TAFA1: variants seen among roughly 807,000 people sequenced by gnomAD.
TAFA1 encodes chemokine-like protein TAFA-1.
Under a neutral mutation model 18.5 loss-of-function variants are expected in TAFA1, and 4 were observed. That is an observed-to-expected ratio of 0.22 (90% CI 0.11 to 0.49). The LOEUF is 0.49. TAFA1 is among the 20% of genes least tolerant of loss of function. The pLI, the probability that TAFA1 is intolerant of heterozygous loss-of-function variation, is 0.98. For synonymous variants in TAFA1, 56 were observed against 55.2 expected (o/e 1.01, Z -0.06); for missense variants, 147 against 169.0 (o/e 0.87, Z 0.72).
intron 2 of TAFA1, among the ~76,000 whole-genome samples, chr3:68,280,895 T>C (rs1023624476): frequency 7.2e-5 from 11 of 152,160 alleles, no homozygotes; most frequent in African/African-American, 2.4e-4. Context: ...AGGCAATTAG[T>C]CTTATCCTCT....
At chr3:68,466,333 C>T (rs1457242524) in intron 3 of TAFA1, among the ~76,000 whole-genome samples, 1 of 151,994 alleles carries the variant, frequency 6.6e-6, no homozygotes, top group African/African-American at 2.4e-5. Flanking sequence ...CTACAGTGGG[C>T]ATAGAAGTGA....
chr3:68,368,613 A>G (rs1464829053), intron 2 of TAFA1, among the ~76,000 whole-genome samples: 1 of 152,136 alleles, frequency 6.6e-6, no homozygotes, highest in Non-Finnish European at 1.5e-5. Flanking sequence ...TAATAGAAAA[A>G]GAAAACCATG....
At chr3:68,079,615 G>A (rs1016843154) in intron 2 of TAFA1, among the ~76,000 whole-genome samples, 1 of 152,126 alleles carries the variant, frequency 6.6e-6, no homozygotes, top group Non-Finnish European at 1.5e-5. Context: ...CCATGTAGTT[G>A]AGCGGTTTTG....
intron 2 of TAFA1, among the ~76,000 whole-genome samples, chr3:68,353,197 C>T (rs571111467): frequency 6.6e-6 from 1 of 152,110 alleles, no homozygotes; most frequent in Admixed American, 6.6e-5. Flanking sequence ...TGTCTCCCAC[C>T]AGCTTTGTGT....
chr3:68,308,288 G>C (rs1345942614), intron 2 of TAFA1, among the ~76,000 whole-genome samples: 1 of 152,008 alleles, frequency 6.6e-6, no homozygotes, highest in Non-Finnish European at 1.5e-5. Flanking sequence ...CCCCTGGAGT[G>C]GTCATACTGT....
intron 2 of TAFA1, among the ~76,000 whole-genome samples, chr3:68,202,099 C>T (rs977061961): frequency 6.6e-6 from 1 of 151,758 alleles, no homozygotes; most frequent in African/African-American, 2.4e-5. Context: ...CATCTCCTAA[C>T]ACCACCTCAT....
chr3:68,429,139 T>A lies in TAFA1; in HGVS notation c.259+11719T>A, dbSNP rs1169195419. ...GGAGATGTTGCCTTTCATCTTGGGC[T>A]CATTCTGGATATTTGCCTTGTTCTC... On this transcript the variant is annotated intron_variant, in intron 3 of 4. Coordinates refer to ENST00000478136, the MANE Select transcript of TAFA1 (RefSeq NM_213609.4). 2.0e-5 allele frequency among the ~76,000 whole-genome samples: 3 copies of A among 151,902 alleles called. No individual in the cohort carries two copies. In the South Asian group the frequency reaches 6.2e-4, roughly 31 times the overall value.
chr3:68,038,345 T>C (rs1009922817), intron 2 of TAFA1, among the ~76,000 whole-genome samples: 1 of 152,276 alleles, frequency 6.6e-6, no homozygotes, highest in South Asian at 2.1e-4. Flanking sequence ...GAATCTTTAG[T>C]CAATGTTGGT....
chr3:68,287,478 A>T (rs952097809), intron 2 of TAFA1, among the ~76,000 whole-genome samples: 6 of 151,760 alleles, frequency 4.0e-5, no homozygotes, highest in African/African-American at 1.2e-4. Flanking sequence ...GGGCAATGAG[A>T]TTTTTTTCTT....
intron 3 of TAFA1, among the ~76,000 whole-genome samples, chr3:68,441,072 GC>G (rs752426137): frequency 3.6e-4 from 55 of 152,142 alleles, no homozygotes; most frequent in Admixed American, 1.2e-3. Context: ...AGAATAAGTT[GC>G]TGCATTTGGC....
In TAFA1 at chr3:68,544,503, A is replaced by C; in HGVS notation, c.402A>C (p.Ter134TyrextTer6). 1 of 1,612,544 alleles carries C rather than the reference A, an allele frequency of 6.2e-7. No homozygotes were observed. Among genetic ancestry groups the C allele is most frequent in the Non-Finnish European group, 8.5e-7 (1 of 1,178,964 alleles). Reference sequence around the variant, plus strand: ...GGTTTCAGATTCACCCAAGAACCTAACAGAAGCATTTGTGGTAGTAAAGGA... The same window carrying C: ...GGTTTCAGATTCACCCAAGAACCTACCAGAAGCATTTGTGGTAGTAAAGGA... ...IKTTRIHPRT[*>Y] Residue 134 changes from the stop codon to tyrosine, a stop_lost, in exon 5 of 5, where the codon TAA (stop) becomes TAC (tyrosine). Transcript: ENST00000478136.
intron 3 of TAFA1, among the ~76,000 whole-genome samples, chr3:68,477,691 G>A (rs1202961213): frequency 6.6e-6 from 1 of 152,024 alleles, no homozygotes; most frequent in Non-Finnish European, 1.5e-5. Flanking sequence ...CATTCTTTAT[G>A]TATCTTTTGG....
chr3:68,417,202 C>T (rs1055976955), intron 2 of TAFA1, 78 bp from the exon 3 acceptor site: 36 of 1,240,678 alleles, frequency 2.9e-5, no homozygotes, highest in African/African-American at 2.1e-4. Context: ...TCCTCAACCC[C>T]GCTACATGCA....
intron 2 of TAFA1, among the ~76,000 whole-genome samples, chr3:68,115,540 G>A (rs973558764): frequency 6.6e-6 from 1 of 152,218 alleles, no homozygotes; most frequent in Non-Finnish European, 1.5e-5. Context: ...TATTCTCACA[G>A]TCATTTAATG....
intron 2 of TAFA1, among the ~76,000 whole-genome samples, chr3:68,169,890 CT>C: frequency 6.6e-6 from 1 of 152,154 alleles, no homozygotes; most frequent in Non-Finnish European, 1.5e-5. Flanking sequence ...AAGTTTGTTA[CT>C]TACAGAAGAG....
At chr3:68,391,147 CA>C (rs2070232746) in intron 2 of TAFA1, among the ~76,000 whole-genome samples, 1 of 152,054 alleles carries the variant, frequency 6.6e-6, no homozygotes, top group Non-Finnish European at 1.5e-5. Flanking sequence ...CTAGAATAAC[CA>C]GTTTAGAGAA....
chr3:68,207,416 G>A (rs576241943), intron 2 of TAFA1, among the ~76,000 whole-genome samples: 3 of 152,050 alleles, frequency 2.0e-5, no homozygotes, highest in Admixed American at 1.3e-4. Flanking sequence ...GTGCAGTAGA[G>A]TATTGTCTAA....
intron 2 of TAFA1, among the ~76,000 whole-genome samples, chr3:68,218,493 G>A (rs1027610977): frequency 2.0e-5 from 3 of 152,038 alleles, no homozygotes; most frequent in East Asian, 1.9e-4. Context: ...CAGTCTCACA[G>A]TCATCACCAC....
At chr3:68,460,991 C>T (rs2071766181) in intron 3 of TAFA1, among the ~76,000 whole-genome samples, 1 of 152,082 alleles carries the variant, frequency 6.6e-6, no homozygotes, top group South Asian at 2.1e-4. Flanking sequence ...GTCCAAATAA[C>T]CTGGCCATGG....
Sources: gnomAD v4.1 joint callset for allele counts (sites outside exome capture counted in the v4.1 genomes callset) on GRCh38, gnomAD v4.1.1 for gene constraint, MANE v1.5 for transcripts, NCBI Gene and HGNC (gene_info 2026-07-23, HGNC 2026-07-21) for gene names.